Variants in ROBO1 observed in about 807,000 individuals in gnomAD.
ROBO1 encodes roundabout guidance receptor 1, also known as roundabout homolog 1.
In ROBO1, 149 loss-of-function variants were observed where a neutral mutation model predicts 195.9. That is an observed-to-expected ratio of 0.76 (90% CI 0.67 to 0.87). The LOEUF is 0.87. ROBO1 is among the 40% of genes least tolerant of loss of function. ROBO1 has a pLI of 0.00. For missense variants in ROBO1, 1,933 were observed against 2,068.3 expected (o/e 0.93, Z 1.27); for synonymous variants, 816 against 733.2 (o/e 1.11, Z -1.82).
At chr3:79,111,443 C>T (rs1316745814) in intron 3 of ROBO1, among the ~76,000 whole-genome samples, 1 of 152,076 alleles carries the variant, frequency 6.6e-6, no homozygotes, top group Non-Finnish European at 1.5e-5. Context: ...GCAGGAAGAG[C>T]CCTTTCTTCT....
At chr3:79,180,516 C>G (rs969077213) in intron 2 of ROBO1, among the ~76,000 whole-genome samples, 1 of 152,178 alleles carries the variant, frequency 6.6e-6, no homozygotes, top group African/African-American at 2.4e-5. Flanking sequence ...TGATAGAGCA[C>G]AGTGGCTAAG....
chr3:79,524,186 TGACAGA>T (rs1575966811), intron 2 of ROBO1, among the ~76,000 whole-genome samples: 1 of 148,100 alleles, frequency 6.8e-6, no homozygotes, highest in South Asian at 2.1e-4. Context: ...TGTGTGTGTG[TGACAGA>T]GACAGAGACA....
intron 2 of ROBO1, among the ~76,000 whole-genome samples, chr3:79,216,511 T>G (rs1222635172): frequency 6.6e-6 from 1 of 152,064 alleles, no homozygotes; most frequent in African/African-American, 2.4e-5. Flanking sequence ...ATTCTAATGT[T>G]TGGTAATGTT....
chr3:79,422,683 C>T (rs1205983383), intron 2 of ROBO1, among the ~76,000 whole-genome samples: 1 of 152,054 alleles, frequency 6.6e-6, no homozygotes, highest in Admixed American at 6.6e-5. Context: ...AAATGCATTC[C>T]TATGCTGGAA....
intron 3 of ROBO1, among the ~76,000 whole-genome samples, chr3:79,054,237 G>A (rs938240890): frequency 6.6e-6 from 1 of 152,074 alleles, no homozygotes; most frequent in Admixed American, 6.6e-5. Flanking sequence ...AGTAACAAAG[G>A]TGTGTATGAG....
chr3:79,197,751 T>G (rs916798881), intron 2 of ROBO1, among the ~76,000 whole-genome samples: 1 of 152,124 alleles, frequency 6.6e-6, no homozygotes, highest in Non-Finnish European at 1.5e-5. Flanking sequence ...TGAGATGATA[T>G]CTTATTGTGG....
At chr3:79,329,939 G>A (rs1482943513) in intron 2 of ROBO1, among the ~76,000 whole-genome samples, 1 of 152,000 alleles carries the variant, frequency 6.6e-6, no homozygotes, top group Admixed American at 6.6e-5. Flanking sequence ...CTGTTCTCTG[G>A]ACCAGTAAAC....
At chr3:79,216,002 A>G (rs912468459) in intron 2 of ROBO1, among the ~76,000 whole-genome samples, 2 of 152,140 alleles carry the variant, frequency 1.3e-5, no homozygotes, top group Non-Finnish European at 2.9e-5. Context: ...AAAATTTAAT[A>G]TAAAGATTAA....
At chr3:79,592,883 C>G (rs558014372) in intron 1 of ROBO1, among the ~76,000 whole-genome samples, 3 of 152,142 alleles carry the variant, frequency 2.0e-5, no homozygotes, top group African/African-American at 7.2e-5. Flanking sequence ...ATCCTTTGTG[C>G]TTCATCTATT....
At chr3:78,893,259 C>T (rs1363049158) in intron 4 of ROBO1, among the ~76,000 whole-genome samples, 4 of 152,144 alleles carry the variant, frequency 2.6e-5, no homozygotes, top group African/African-American at 7.2e-5. Context: ...AGGCCATGAG[C>T]GCTCCTCTCT....
At chr3:78,833,966 T>C (rs768117281) in intron 4 of ROBO1, among the ~76,000 whole-genome samples, 10 of 152,164 alleles carry the variant, frequency 6.6e-5, no homozygotes, top group South Asian at 2.1e-4. Context: ...AGTTCTGGGA[T>C]AAGCAGAGAG....
At chr3:78,722,273 G>A (rs2082061741) in intron 5 of ROBO1, among the ~76,000 whole-genome samples, 1 of 152,058 alleles carries the variant, frequency 6.6e-6, no homozygotes, top group South Asian at 2.1e-4. Flanking sequence ...TAAATTGAAA[G>A]TAACCCACCA....
At chr3:78,879,709 C>T (rs2036070713) in intron 4 of ROBO1, among the ~76,000 whole-genome samples, 1 of 151,924 alleles carries the variant, frequency 6.6e-6, no homozygotes, top group African/African-American at 2.4e-5. Context: ...TGACTCCTAG[C>T]GTTAACTAAC....
chr3:78,730,866 C>G (rs2082271002), intron 5 of ROBO1, among the ~76,000 whole-genome samples: 1 of 152,148 alleles, frequency 6.6e-6, no homozygotes, highest in East Asian at 1.9e-4. Context: ...AGCAAGTAGG[C>G]TAATTCTTCA....
chr3:79,634,358 G>A (rs1945434737), intron 1 of ROBO1, among the ~76,000 whole-genome samples: 1 of 152,104 alleles, frequency 6.6e-6, no homozygotes, highest in Admixed American at 6.6e-5. Context: ...ATTTGATGAG[G>A]GGGAGATGAG....
chr3:78,842,600 ATAT>A (rs2033342030), intron 4 of ROBO1, among the ~76,000 whole-genome samples: 1 of 11,040 alleles, frequency 9.1e-5, no homozygotes, highest in Non-Finnish European at 4.7e-4. Context: ...AGCCATATAT[ATAT>A]TTTTATATAT....
intron 4 of ROBO1, among the ~76,000 whole-genome samples, chr3:78,915,978 G>A (rs1346874077): frequency 1.3e-5 from 2 of 152,108 alleles, no homozygotes; most frequent in Admixed American, 1.3e-4. Flanking sequence ...TGGGCCAGTC[G>A]CGGTGGCTCA....
At chr3:79,019,385 G>A (rs2078047626) in intron 3 of ROBO1, 13 of 985,826 alleles carry the variant, frequency 1.3e-5, no homozygotes, top group African/African-American at 3.5e-5. Context: ...CGGCCGCCGC[G>A]GCTCACCCCA....
chr3:79,083,630 G>A (rs1449336714), intron 3 of ROBO1, among the ~76,000 whole-genome samples: 3 of 152,148 alleles, frequency 2.0e-5, no homozygotes, highest in Non-Finnish European at 4.4e-5. Context: ...GGAAATGGTA[G>A]GAAACTGTCG....
Sources: allele counts gnomAD v4.1 joint callset (sites outside exome capture counted in the v4.1 genomes callset), GRCh38; gene constraint gnomAD v4.1.1; transcripts MANE v1.5; gene names NCBI Gene and HGNC (gene_info 2026-07-23, HGNC 2026-07-21).